The following PBOV1 variants were observed in gnomAD, a reference collection of about 807,000 sequenced individuals.
PBOV1 encodes the protein prostate and breast cancer overexpressed gene 1 protein.
For synonymous variants in PBOV1, 46 were observed against 55.9 expected, an observed-to-expected ratio of 0.82 and a Z score of 0.79; for missense variants, 147 against 151.4, an observed-to-expected ratio of 0.97 and a Z score of 0.15.
rs753140592 is a variant in PBOV1 at position 138,218,226 on chromosome 6, T to C, written c.170A>G (p.Glu57Gly). The C allele has an allele frequency of 3.1e-6, 5 of 1,613,686 alleles. No homozygotes were observed. The highest frequency in any genetic ancestry group is 2.7e-5 in the African/African-American group (2 of 74,918). The change falls in exon 1 of 1, where the codon GAA becomes GGA. Residue 57 changes from glutamate to glycine, a missense_variant. Physicochemically the swap from Glu to Gly is moderately conservative, Grantham distance 98. Transcript: ENST00000527246. ...TGCCTTTTGACTTCTTTTTACTTTT[T>C]CTTTTTTTCGAAATACCTTGTAGCA... ...PFCYKVFRKK[E>G]KVKRSQKATE...
chr6:138,218,470 C>A lies in PBOV1; in HGVS notation c.-75G>T. 6.9e-7 allele frequency: 1 copy of A among 1,458,490 alleles called. No individual in the cohort carries two copies. Among genetic ancestry groups the A allele is most frequent in the Non-Finnish European group, 9.0e-7 (1 of 1,106,702 alleles). 90.3% of individuals were successfully genotyped at this position (1,458,490 alleles called of 1,614,324 possible). ...TTGTAAATTATTATACATCAATTAG[C>A]CACCTCGATATATTTAAGGTCCTAA... On this transcript the variant is annotated 5_prime_UTR_variant, in exon 1 of 1. Coordinates refer to ENST00000527246, the MANE Select transcript of PBOV1 (RefSeq NM_021635.3).
chr6:138,218,288 T>G lies in PBOV1; in HGVS notation c.108A>C (p.Pro36=). ...RHRLSNFPRL[P]GILAPETVLL... Reference sequence around the variant, plus strand: ...GCACAGTTTCTGGAGCTAGAATGCCTGGTAGCCTTGGGAAGTTACTTAATC... The same window carrying G: ...GCACAGTTTCTGGAGCTAGAATGCCGGGTAGCCTTGGGAAGTTACTTAATC... The change falls in exon 1 of 1, where the codon CCA becomes CCC. Residue 36 remains proline (P), a synonymous_variant. Transcript: ENST00000527246. 1 of 1,593,126 alleles carries G rather than the reference T, an allele frequency of 6.3e-7. No homozygotes were observed. Among genetic ancestry groups the G allele is most frequent in the Non-Finnish European group, 8.6e-7 (1 of 1,168,910 alleles).
At position 138,217,155 on chromosome 6, in the gene PBOV1, C is replaced by G. The variant is rs146340472; in HGVS notation, c.*833G>C. Reference sequence around the variant, plus strand: ...AGATTTTCATATTATCTATTAATATCTTTTTAAAGCACCACCATTTCCAAG... The same window carrying G: ...AGATTTTCATATTATCTATTAATATGTTTTTAAAGCACCACCATTTCCAAG... On this transcript the variant is annotated 3_prime_UTR_variant, in exon 1 of 1. Coordinates refer to ENST00000527246, the MANE Select transcript of PBOV1 (RefSeq NM_021635.3). 6.6e-6 allele frequency: 1 copy of G among 152,114 alleles called. No homozygotes were observed. The highest frequency in any genetic ancestry group is 1.5e-5 in the Non-Finnish European group (1 of 68,012). 9.4% of individuals were successfully genotyped at this position (152,114 alleles called of 1,614,324 possible). A position where few individuals can be genotyped will look rare whatever the true frequency, so the allele number is the denominator to read the frequency against.
chr6:138,218,212 T>C lies in PBOV1; in HGVS notation c.184A>G (p.Ser62Gly). The change falls in exon 1 of 1, where the codon AGT becomes GGT. Residue 62 changes from serine to glycine, a missense_variant. Transcript: ENST00000527246. The stretch of plus-strand genomic sequence containing the variant: ...TCAATGAACTCTGTTGCCTTTTGAC[T>C]TCTTTTTACTTTTTCTTTTTTTCGA... ...VFRKKEKVKR[S>G]QKATEFIDYS... 1 of 1,613,902 alleles carries C rather than the reference T, an allele frequency of 6.2e-7. No homozygotes were observed. Among genetic ancestry groups the C allele is most frequent in the Non-Finnish European group, 8.5e-7 (1 of 1,179,844 alleles).
Position 138,218,155 on chromosome 6 carries a change from G to A in PBOV1, c.241C>T (p.Leu81Phe). 1.2e-6 allele frequency: 2 copies of A among 1,613,948 alleles called. No individual in the cohort carries two copies. Among genetic ancestry groups the A allele is most frequent in the Non-Finnish European group, 8.5e-7 (1 of 1,179,860 alleles). ...GTCAAGTGTGTCTGCAAGGGTGTGA[G>A]AATTGCATGGTGTGACTGTTCTATG... ...YSIEQSHHAILTPLQTHLTMK... is the reference protein window; with the variant it reads ...YSIEQSHHAIFTPLQTHLTMK... Residue 81 changes from leucine (L) to phenylalanine (F), a missense_variant, in exon 1 of 1, where the codon CTC (leucine) becomes TTC (phenylalanine). Transcript: ENST00000527246.
rs574974734 is a variant in PBOV1, at chr6:138,218,349, ATAT to A, written c.44_46del (p.Asn15del). ...TTTTCTGATCTGTAAAATGTGAATAATATTGTGCATATCCTCATATTTCTGGTT... is the reference window on the plus strand; with the variant it reads ...TTTTCTGATCTGTAAAATGTGAATAATGTGCATATCCTCATATTTCTGGTT... On this transcript the variant is annotated inframe_deletion, in exon 1 of 1. Coordinates refer to ENST00000527246, the MANE Select transcript of PBOV1 (RefSeq NM_021635.3). 633 of 1,552,204 alleles carry A rather than the reference ATAT, an allele frequency of 4.1e-4. 3 individuals carry two copies. In the African/African-American group the frequency reaches 7.8e-3, roughly 19 times the overall value.
Position 138,218,426 on chromosome 6 carries a change from G to A in PBOV1, c.-31C>T. ...CTACTGTAAATTGAATTGTAGCTCT[G>A]TAGCATAGAAGAATAATTTTGTAAA... is the stretch of plus-strand genomic sequence containing the variant. On this transcript the variant is annotated 5_prime_UTR_variant, in exon 1 of 1. An upstream open reading frame in the 5' UTR gains an earlier in-frame stop. Transcript: ENST00000527246. The A allele has an allele frequency of 6.7e-7, 1 of 1,498,268 alleles. No individual in the cohort carries two copies. The highest frequency in any genetic ancestry group is 8.9e-7 in the Non-Finnish European group (1 of 1,125,424). 92.8% of individuals were successfully genotyped at this position (1,498,268 alleles called of 1,614,324 possible). A position where few individuals can be genotyped will look rare whatever the true frequency, so the allele number is the denominator to read the frequency against.
Position 138,218,203 on chromosome 6 carries a change from C to T in PBOV1, c.193G>A (p.Ala65Thr). 6.2e-7 allele frequency: 1 copy of T among 1,613,828 alleles called. No individual in the cohort carries two copies. Among genetic ancestry groups the T allele is most frequent in the East Asian group, 2.2e-5 (1 of 44,866 alleles). ...ATGGAATAATCAATGAACTCTGTTG[C>T]CTTTTGACTTCTTTTTACTTTTTCT... ...KKEKVKRSQK[A>T]TEFIDYSIEQ... Residue 65 changes from alanine (A) to threonine (T), a missense_variant, in exon 1 of 1, where the codon GCA (alanine) becomes ACA (threonine). By Grantham distance (58) the Ala-to-Thr change is moderately conservative. Transcript: ENST00000527246.
rs41288989 is a variant in PBOV1 at position 138,217,189 on chromosome 6, A to C, written c.*799T>G. ...GCACCACCATTTCCAAGTGTTTACT[A>C]TATTTCAAAATCACTCTACTAAGTG... On this transcript the variant is annotated 3_prime_UTR_variant, in exon 1 of 1. Transcript: ENST00000527246. The C allele has an allele frequency of 6.6e-6, 1 of 152,256 alleles. No homozygotes were observed. Among genetic ancestry groups the C allele is most frequent in the Non-Finnish European group, 1.5e-5 (1 of 68,042 alleles). The allele number at this position is 152,256 out of a possible 1,614,324, so 9.4% of individuals were successfully genotyped here.
chr6:138,216,273 C>G lies in PBOV1; in HGVS notation c.*1715G>C, dbSNP rs565718683. On this transcript the variant is annotated 3_prime_UTR_variant, in exon 1 of 1. Coordinates refer to ENST00000527246, the MANE Select transcript of PBOV1 (RefSeq NM_021635.3). ...ACAGGCGTGAGCCACCGTGCCTGGC[C>G]GGGGTATTTTTATATAACAAACGCC... 1 of 152,108 alleles carries G rather than the reference C, an allele frequency of 6.6e-6. No individual in the cohort carries two copies. The allele number at this position is 152,108 out of a possible 1,614,324, so 9.4% of individuals were successfully genotyped here.
rs778477657 is a variant in PBOV1 at position 138,218,128 on chromosome 6, T to C, written c.268A>G (p.Met90Val). 7 of 1,614,000 alleles carry C rather than the reference T, an allele frequency of 4.3e-6. 1 individual carries two copies. In the South Asian group the frequency reaches 7.7e-5, roughly 18 times the overall value. ...ILTPLQTHLT[M>V]KGSSMKCSSL... ...GAACATTTCATTGAGGAACCTTTCA[T>C]GGTCAAGTGTGTCTGCAAGGGTGTG... is the stretch of plus-strand genomic sequence containing the variant. The change falls in exon 1 of 1, where the codon ATG (methionine) becomes GTG (valine). Residue 90 changes from methionine (M) to valine (V), a missense_variant. Met to Val is a conservative substitution (Grantham distance 21). Transcript: ENST00000527246.
chr6:138,216,519 G>A lies in PBOV1; in HGVS notation c.*1469C>T, dbSNP rs1777863649. The stretch of plus-strand genomic sequence containing the variant: ...AGAAAGACTGTTTGAGTCCCCTCTC[G>A]GTAATGTTTTAATGGCAGAGTCTTA... On this transcript the variant is annotated 3_prime_UTR_variant, in exon 1 of 1. Transcript: ENST00000527246. The A allele has an allele frequency of 6.6e-6, 1 of 152,134 alleles. No homozygotes were observed. The highest frequency in any genetic ancestry group is 2.1e-4 in the South Asian group (1 of 4,814). 9.4% of individuals were successfully genotyped at this position (152,134 alleles called of 1,614,324 possible).
At position 138,218,475 on chromosome 6, in the gene PBOV1, T is replaced by TC; in HGVS notation, c.-81dup. On this transcript the variant is annotated 5_prime_UTR_variant, in exon 1 of 1. Coordinates refer to ENST00000527246, the MANE Select transcript of PBOV1 (RefSeq NM_021635.3). The stretch of plus-strand genomic sequence containing the variant: ...AATTATTATACATCAATTAGCCACC[T>TC]CGATATATTTAAGGTCCTAACCATC... 2.7e-6 allele frequency: 4 copies of TC among 1,457,362 alleles called. 1 individual carries two copies. The highest frequency in any genetic ancestry group is 3.1e-5 in the South Asian group (2 of 65,536). 90.3% of individuals were successfully genotyped at this position (1,457,362 alleles called of 1,614,324 possible). A position where few individuals can be genotyped will look rare whatever the true frequency, so the allele number is the denominator to read the frequency against.
rs1777876193 is a variant in PBOV1 at position 138,216,951 on chromosome 6, T to C, written c.*1037A>G. Reference sequence around the variant, plus strand: ...CATAAGGTTGAGTGATGAGAATCTTTTTCTACTTTGCAAACAGACTAATAT... The same window carrying C: ...CATAAGGTTGAGTGATGAGAATCTTCTTCTACTTTGCAAACAGACTAATAT... On this transcript the variant is annotated 3_prime_UTR_variant, in exon 1 of 1. Coordinates refer to ENST00000527246, the MANE Select transcript of PBOV1 (RefSeq NM_021635.3). 1 of 152,220 alleles carries C rather than the reference T, an allele frequency of 6.6e-6. No individual in the cohort carries two copies. The highest frequency in any genetic ancestry group is 2.4e-5 in the African/African-American group (1 of 41,456). The allele number at this position is 152,220 out of a possible 1,614,324, so 9.4% of individuals were successfully genotyped here.
chr6:138,218,135 G>C lies in PBOV1; in HGVS notation c.261C>G (p.His87Gln), dbSNP rs1386325898. 5.6e-6 allele frequency: 9 copies of C among 1,613,882 alleles called. No individual in the cohort carries two copies. The highest frequency in any genetic ancestry group is 5.0e-5 in the Admixed American group (3 of 60,012). Residue 87 changes from histidine (H) to glutamine (Q), a missense_variant, in exon 1 of 1, where the codon CAC becomes CAG. Physicochemically the swap from His to Gln is conservative, Grantham distance 24. Transcript: ENST00000527246. ...HHAILTPLQT[H>Q]LTMKGSSMKC... ...TCATTGAGGAACCTTTCATGGTCAA[G>C]TGTGTCTGCAAGGGTGTGAGAATTG...
Position 138,215,986 on chromosome 6 carries a change from T to G in PBOV1, c.*2002A>C, listed in dbSNP as rs540755847. 12 of 151,756 alleles carry G rather than the reference T, an allele frequency of 7.9e-5. No individual in the cohort carries two copies. The highest frequency in any genetic ancestry group is 1.9e-4 in the African/African-American group (8 of 41,372). 9.4% of individuals were successfully genotyped at this position (151,756 alleles called of 1,614,324 possible). ...TTGGTTTTTTGTTGTTGTTGTTTTT[T>G]TTTTTGGGTGGGGGGGAGTTTTACT... On this transcript the variant is annotated 3_prime_UTR_variant, in exon 1 of 1. Transcript: ENST00000527246.
At position 138,217,847 on chromosome 6, in the gene PBOV1, ACAT is replaced by A; in HGVS notation, c.*138_*140del. ...TATTTTAGAATTGAAATAACCTCCT[ACAT>A]CATCAAATTCTTTTCATAAGTAAAT... On this transcript the variant is annotated 3_prime_UTR_variant, in exon 1 of 1. Coordinates refer to ENST00000527246, the MANE Select transcript of PBOV1 (RefSeq NM_021635.3). 4.1e-6 allele frequency: 5 copies of A among 1,218,396 alleles called. No individual in the cohort carries two copies. The highest frequency in any genetic ancestry group is 5.5e-6 in the Non-Finnish European group (5 of 901,214). 75.5% of individuals were successfully genotyped at this position (1,218,396 alleles called of 1,614,324 possible). A position where few individuals can be genotyped will look rare whatever the true frequency, so the allele number is the denominator to read the frequency against.
In PBOV1 at chr6:138,218,139, G is replaced by T. The variant is rs755450557; in HGVS notation, c.257C>A (p.Thr86Lys). 1 of 1,613,992 alleles carries T rather than the reference G, an allele frequency of 6.2e-7. No homozygotes were observed. Among genetic ancestry groups the T allele is most frequent in the Admixed American group, 1.7e-5 (1 of 60,034 alleles). The change falls in exon 1 of 1, where the codon ACA (threonine) becomes AAA (lysine). Residue 86 changes from threonine to lysine, a missense_variant. Thr to Lys is a moderately conservative substitution (Grantham distance 78). Coordinates refer to ENST00000527246, the MANE Select transcript of PBOV1 (RefSeq NM_021635.3). ...TGAGGAACCTTTCATGGTCAAGTGT[G>T]TCTGCAAGGGTGTGAGAATTGCATG... ...SHHAILTPLQ[T>K]HLTMKGSSMK...
Sources: allele counts gnomAD v4.1 joint callset, GRCh38; gene constraint gnomAD v4.1.1; transcripts MANE v1.5; gene names NCBI Gene and HGNC (gene_info 2026-07-23, HGNC 2026-07-21).